The following CMIP variants were observed in gnomAD, a reference collection of about 807,000 sequenced individuals.
The protein encoded by CMIP is c-Maf inducing protein.
Under a neutral mutation model 97.3 loss-of-function variants are expected in CMIP, and 13 were observed. The observed-to-expected ratio is 0.13, with a 90% confidence interval of 0.09 to 0.21. The LOEUF is 0.21. CMIP is among the 10% of genes least tolerant of loss of function. CMIP has a pLI of 1.00. For missense variants in CMIP, 847 were observed against 1,024.9 expected (o/e 0.83, Z 2.37); for synonymous variants, 538 against 436.3 (o/e 1.23, Z -2.91).
chr16:81,530,833 C>G (rs1280363165), intron 1 of CMIP, among the ~76,000 whole-genome samples: 1 of 152,176 alleles, frequency 6.6e-6, no homozygotes, highest in Non-Finnish European at 1.5e-5. Context: ...TATCTTCGAT[C>G]AGTTCAGCTT....
chr16:81,475,192 C>G (rs1393754603), intron 1 of CMIP, among the ~76,000 whole-genome samples: 1 of 152,116 alleles, frequency 6.6e-6, no homozygotes, highest in Non-Finnish European at 1.5e-5. Flanking sequence ...GTCTCTTTCT[C>G]TCTAGGTGCA....
At chr16:81,528,526 G>T (rs9938345) in intron 1 of CMIP, among the ~76,000 whole-genome samples, 17 of 152,180 alleles carry the variant, frequency 1.1e-4, no homozygotes, top group African/African-American at 3.6e-4. Flanking sequence ...CTTTTTGCTG[G>T]TCCCAGAGAG....
intron 3 of CMIP, among the ~76,000 whole-genome samples, chr16:81,625,812 T>G (rs1205519477): frequency 6.6e-6 from 1 of 152,066 alleles, no homozygotes; most frequent in Non-Finnish European, 1.5e-5. Context: ...CCTTCTCGCT[T>G]CCTGAGAGGG....
Position 81,444,813 on chromosome 16 carries a change from C to T in CMIP, c.-429C>T, listed in dbSNP as rs1905717053. On this transcript the variant is annotated 5_prime_UTR_variant, in exon 1 of 21. Transcript: ENST00000537098. ...GGCCCGCCCCGCCCGCGGCCACTCT[C>T]GCCCGGACGGCCGCGCGGACACACG... 6.9e-6 allele frequency among the ~76,000 whole-genome samples: 1 copy of T among 145,398 alleles called. No homozygotes were observed. Among genetic ancestry groups the T allele is most frequent in the Non-Finnish European group, 1.5e-5 (1 of 65,382 alleles).
At chr16:81,643,997 C>G (rs1231333276) in intron 3 of CMIP, among the ~76,000 whole-genome samples, 8 of 152,058 alleles carry the variant, frequency 5.3e-5, no homozygotes, top group African/African-American at 1.9e-4. Context: ...CCCTACCAAG[C>G]CTGGGGCAAG....
chr16:81,615,067 G>C (rs1396698153), intron 2 of CMIP, among the ~76,000 whole-genome samples: 1 of 128,742 alleles, frequency 7.8e-6, no homozygotes, highest in African/African-American at 2.9e-5. Context: ...TGTGAGGTGT[G>C]TGTCTGTGTG....
At chr16:81,455,107 C>T (rs764609305) in intron 1 of CMIP, among the ~76,000 whole-genome samples, 2 of 152,154 alleles carry the variant, frequency 1.3e-5, no homozygotes, top group Admixed American at 6.5e-5. Flanking sequence ...CACCCTGGGG[C>T]GGGTGGTGCT....
intron 1 of CMIP, among the ~76,000 whole-genome samples, chr16:81,558,792 G>C (rs1280386471): frequency 2.0e-5 from 3 of 152,222 alleles, no homozygotes; most frequent in African/African-American, 7.2e-5. Context: ...AATGCCAGGA[G>C]CTTGGCATAA....
intron 10 of CMIP, among the ~76,000 whole-genome samples, chr16:81,679,914 C>G (rs999006957): frequency 2.0e-5 from 3 of 152,160 alleles, no homozygotes; most frequent in African/African-American, 7.2e-5. Context: ...TTCCACAGAC[C>G]AGCTCAGGTC....
At chr16:81,516,855 A>G (rs1221878577) in intron 1 of CMIP, among the ~76,000 whole-genome samples, 1 of 152,234 alleles carries the variant, frequency 6.6e-6, no homozygotes, top group Non-Finnish European at 1.5e-5. Context: ...GTGAAAAACC[A>G]GATGGCCTCC....
intron 1 of CMIP, among the ~76,000 whole-genome samples, chr16:81,580,973 G>A (rs2091287056): frequency 6.7e-6 from 1 of 150,124 alleles, no homozygotes; most frequent in Admixed American, 6.6e-5. Context: ...ATCAATTTCT[G>A]TCTTTTTGGG....
At chr16:81,522,569 C>T (rs1383046855) in intron 1 of CMIP, among the ~76,000 whole-genome samples, 1 of 152,226 alleles carries the variant, frequency 6.6e-6, no homozygotes, top group East Asian at 1.9e-4. Flanking sequence ...TTAGCATACC[C>T]AATCAGTAGG....
rs763089537 is a variant in CMIP, at chr16:81,445,218, C to G, written c.-24C>G. On this transcript the variant is annotated 5_prime_UTR_variant, in exon 1 of 21. Transcript: ENST00000537098. Reference sequence around the variant, plus strand: ...CCAGGACAGCCCCCTCTCCCCGCCCCCAGCCCCCTCCCCCGGCGCGGCCAT... The same window carrying G: ...CCAGGACAGCCCCCTCTCCCCGCCCGCAGCCCCCTCCCCCGGCGCGGCCAT... 5 of 1,487,152 alleles carry G rather than the reference C, an allele frequency of 3.4e-6. No individual in the cohort carries two copies. The South Asian group carries it at 6.5e-5, about 19-fold the overall frequency. The allele number at this position is 1,487,152 out of a possible 1,614,324, so 92.1% of individuals were successfully genotyped here.
intron 1 of CMIP, among the ~76,000 whole-genome samples, chr16:81,496,797 A>G (rs1301435716): frequency 1.3e-5 from 2 of 152,218 alleles, no homozygotes; most frequent in Non-Finnish European, 2.9e-5. Flanking sequence ...GCTTCTTCCC[A>G]ATTAAAATGA....
At chr16:81,576,169 T>G (rs7196548) in intron 1 of CMIP, among the ~76,000 whole-genome samples, 60,007 of 152,034 alleles carry the variant, frequency 0.39, 14,913 homozygotes, top group Non-Finnish European at 0.54. Flanking sequence ...TTTGGGAGGC[T>G]GAGGCGGGTG....
chr16:81,702,550 T>C (rs1907538298), intron 16 of CMIP, 72 bp from the exon 17 acceptor site: 4 of 1,432,960 alleles, frequency 2.8e-6, no homozygotes, highest in Non-Finnish European at 3.9e-6. Context: ...TGAGTGTTGT[T>C]AACAGAGGTG....
At chr16:81,701,852 G>T (rs983517696) in intron 16 of CMIP, 52 bp downstream of exon 16, 19 of 1,606,292 alleles carry the variant, frequency 1.2e-5, no homozygotes, top group Admixed American at 5.0e-5. Context: ...GCCAGGGGGG[G>T]CCAGGGCGGG....
chr16:81,699,826 G>A lies in CMIP; in HGVS notation c.1755+25G>A, dbSNP rs372334824. ...GGTAAGGAGCTGGTCGGGGTCCCTG[G>A]TGGGGTGGCTGGCTCCCCGTCCCTT... On this transcript the variant is annotated intron_variant, in intron 15 of 20. Coordinates refer to ENST00000537098, the MANE Select transcript of CMIP (RefSeq NM_198390.3). 8.5e-5 allele frequency: 130 copies of A among 1,529,980 alleles called. No homozygotes were observed. In the African/African-American group the frequency reaches 1.4e-3, roughly 17 times the overall value. The allele number at this position is 1,529,980 out of a possible 1,614,324, so 94.8% of individuals were successfully genotyped here.
chr16:81,449,465 A>G (rs931419835), intron 1 of CMIP, among the ~76,000 whole-genome samples: 1 of 152,212 alleles, frequency 6.6e-6, no homozygotes, highest in Non-Finnish European at 1.5e-5. Flanking sequence ...GCTAAGAGTT[A>G]CACATCCACA....
Sources: gnomAD v4.1 joint callset for allele counts (sites outside exome capture counted in the v4.1 genomes callset) on GRCh38, gnomAD v4.1.1 for gene constraint, MANE v1.5 for transcripts, NCBI Gene and HGNC (gene_info 2026-07-23, HGNC 2026-07-21) for gene names.